The following UBE2G2 variants were observed in gnomAD, a reference collection of about 807,000 sequenced individuals.
UBE2G2 encodes the protein ubiquitin-conjugating enzyme E2 G2.
A neutral mutation model predicts 23.0 loss-of-function variants in UBE2G2; 10 were observed. The observed-to-expected ratio is 0.43, with a 90% CI of 0.27 to 0.74. The LOEUF (loss-of-function observed/expected upper bound fraction) is 0.74, where lower values mean the gene tolerates loss of function less well. Among genes scored for constraint, UBE2G2 ranks in the 30% least tolerant of loss-of-function variants. The probability of loss-of-function intolerance (pLI) is 0.19; values close to 1 mark genes in which losing one functional copy is unlikely to be tolerated. For synonymous variants in UBE2G2, 86 were observed against 81.3 expected (o/e 1.06, Z -0.31); for missense variants, 150 against 218.3 (o/e 0.69, Z 1.97).
chr21:44,787,409 G>T (rs753360476), intron 3 of UBE2G2, among the ~76,000 whole-genome samples: 4 of 152,152 alleles, frequency 2.6e-5, no homozygotes, highest in Admixed American at 6.5e-5. Context: ...GTCCAGACAA[G>T]GCAACAGAAA....
intron 3 of UBE2G2, chr21:44,779,124 C>T (rs1276455982): frequency 1.3e-5 from 4 of 308,240 alleles, no homozygotes; most frequent in African/African-American, 6.7e-5. Context: ...AGAAACTGAA[C>T]GAAGAGCTTT....
At chr21:44,791,176 T>C (rs1160365273) in intron 1 of UBE2G2, among the ~76,000 whole-genome samples, 2 of 152,130 alleles carry the variant, frequency 1.3e-5, no homozygotes, top group East Asian at 1.9e-4. Context: ...GAATAAAAGT[T>C]TGAAAACTTC....
rs1569290966 is a variant in UBE2G2 at position 44,770,425 on chromosome 21, T to C, written c.*952A>G. 6.6e-6 allele frequency: 1 copy of C among 152,208 alleles called. No homozygotes were observed. Among genetic ancestry groups the C allele is most frequent in the Admixed American group, 6.5e-5 (1 of 15,282 alleles). The allele number at this position is 152,208 out of a possible 1,614,324, so 9.4% of individuals were successfully genotyped here. A position where few individuals can be genotyped will look rare whatever the true frequency, so the allele number is the denominator to read the frequency against. Reference sequence around the variant, plus strand: ...TCCTTGTGATCAGCAATAAATTTCTTTTTTCTTTTTGAGACTGAGTCTCGC... The same window carrying C: ...TCCTTGTGATCAGCAATAAATTTCTCTTTTCTTTTTGAGACTGAGTCTCGC... On this transcript the variant is annotated 3_prime_UTR_variant, in exon 6 of 6. Transcript: ENST00000345496.
At chr21:44,784,003 A>C (rs2082975533) in intron 3 of UBE2G2, among the ~76,000 whole-genome samples, 1 of 152,166 alleles carries the variant, frequency 6.6e-6, no homozygotes, top group African/African-American at 2.4e-5. Flanking sequence ...AAGCATTTTA[A>C]AAACTAGCTG....
At chr21:44,789,942 C>A (rs2083030700) in intron 1 of UBE2G2, among the ~76,000 whole-genome samples, 1 of 152,026 alleles carries the variant, frequency 6.6e-6, no homozygotes, top group Non-Finnish European at 1.5e-5. Context: ...ATCTGCAAAC[C>A]AGGAAGACAG....
intron 4 of UBE2G2, 44 bp downstream of exon 4, chr21:44,777,255 G>C: frequency 6.6e-7 from 1 of 1,510,312 alleles, no homozygotes; most frequent in Non-Finnish European, 9.2e-7. Flanking sequence ...TATTATCTCC[G>C]TACCTATCCT....
chr21:44,799,464 C>T (rs1341841778), intron 1 of UBE2G2, among the ~76,000 whole-genome samples: 1 of 152,246 alleles, frequency 6.6e-6, no homozygotes, highest in Non-Finnish European at 1.5e-5. Context: ...GACCTTGCTG[C>T]TTCACCTTGT....
intron 3 of UBE2G2, 41 bp downstream of exon 3, chr21:44,787,879 C>A (rs1555962331): frequency 6.2e-7 from 1 of 1,605,180 alleles, no homozygotes; most frequent in Admixed American, 1.7e-5. Context: ...ATCTGACTTC[C>A]AGCAAAGCCC....
chr21:44,773,868 G>C, intron 4 of UBE2G2, 181 bp from the exon 5 acceptor site: 2 of 812,912 alleles, frequency 2.5e-6, no homozygotes, highest in Non-Finnish European at 3.6e-6. Flanking sequence ...GAATCCCGGT[G>C]GGGCCTGCTC....
At chr21:44,787,864 C>T in intron 3 of UBE2G2, 56 bp downstream of exon 3, 1 of 1,588,540 alleles carries the variant, frequency 6.3e-7, no homozygotes, top group Non-Finnish European at 8.6e-7. Flanking sequence ...TGATGTGATT[C>T]TTACATCTGA....
At chr21:44,774,227 C>T (rs1555960291) in intron 4 of UBE2G2, 1 of 153,768 alleles carries the variant, frequency 6.5e-6, no homozygotes, top group Admixed American at 6.5e-5. Flanking sequence ...AAATTATCAT[C>T]AGTACAACCT....
chr21:44,782,619 C>A (rs188094578), intron 3 of UBE2G2, among the ~76,000 whole-genome samples: 24 of 152,252 alleles, frequency 1.6e-4, no homozygotes, highest in Admixed American at 4.6e-4. Flanking sequence ...AATTCAGAGT[C>A]CAAAAATAAA....
At chr21:44,778,967 G>A (rs944303444) in intron 3 of UBE2G2, among the ~76,000 whole-genome samples, 2 of 152,078 alleles carry the variant, frequency 1.3e-5, no homozygotes, top group East Asian at 1.9e-4. Flanking sequence ...AAAAATATAC[G>A]TTTTAAATCT....
intron 3 of UBE2G2, among the ~76,000 whole-genome samples, chr21:44,782,503 C>T (rs1289133865): frequency 2.0e-5 from 3 of 152,172 alleles, no homozygotes; most frequent in Non-Finnish European, 4.4e-5. Flanking sequence ...TGAAAAAGAA[C>T]AAAGTTGGCG....
chr21:44,798,294 C>T (rs563855153), intron 1 of UBE2G2, among the ~76,000 whole-genome samples: 33 of 152,302 alleles, frequency 2.2e-4, no homozygotes, highest in African/African-American at 6.5e-4. Context: ...TTGATGACTG[C>T]TGACTGATCA....
intron 3 of UBE2G2, among the ~76,000 whole-genome samples, chr21:44,781,040 T>C (rs1601183976): frequency 6.6e-6 from 1 of 152,382 alleles, no homozygotes; most frequent in East Asian, 1.9e-4. Flanking sequence ...GAAAGCCGAC[T>C]GCTTTTGCTG....
rs2082862960 is a variant in UBE2G2, at chr21:44,770,266, A to AT, written c.*1110_*1111insA. On this transcript the variant is annotated 3_prime_UTR_variant, in exon 6 of 6. Transcript: ENST00000345496. ...TCCAGTTTTTAGATTGAAAAAAAAA[A>AT]ATTTTTTCTGTAGATCCAGAAGAAA... is the stretch of plus-strand genomic sequence containing the variant. 1 of 152,094 alleles carries AT rather than the reference A, an allele frequency of 6.6e-6. No homozygotes were observed. The highest frequency in any genetic ancestry group is 2.4e-5 in the African/African-American group (1 of 41,404). 9.4% of individuals were successfully genotyped at this position (152,094 alleles called of 1,614,324 possible).
At chr21:44,791,045 CA>C (rs2083039094) in intron 1 of UBE2G2, among the ~76,000 whole-genome samples, 1 of 152,166 alleles carries the variant, frequency 6.6e-6, no homozygotes, top group Non-Finnish European at 1.5e-5. Flanking sequence ...GAGCAATGGT[CA>C]CCCTTGCTAT....
At chr21:44,773,755 G>A in intron 4 of UBE2G2, 68 bp from the exon 5 acceptor site, 1 of 1,572,100 alleles carries the variant, frequency 6.4e-7, no homozygotes. Flanking sequence ...GCTTGGGCAG[G>A]CTCCACAGAT....
Sources: gnomAD v4.1 joint callset for allele counts (sites outside exome capture counted in the v4.1 genomes callset) on GRCh38, gnomAD v4.1.1 for gene constraint, MANE v1.5 for transcripts, NCBI Gene and HGNC (gene_info 2026-07-23, HGNC 2026-07-21) for gene names.